Variants in N4BP3 observed in about 807,000 individuals in gnomAD.
N4BP3 encodes the protein NEDD4-binding protein 3.
A neutral mutation model predicts 43.8 loss-of-function variants in N4BP3; 33 were observed. The ratio of observed to expected loss-of-function variants is 0.75; its 90% CI spans 0.57 to 1.01. The LOEUF (loss-of-function observed/expected upper bound fraction) is 1.01. Ranked by LOEUF, N4BP3 falls within the 50% of genes least tolerant of loss-of-function variation. N4BP3 has a pLI of 0.00. For synonymous variants in N4BP3, 326 were observed against 321.9 expected (o/e 1.01, Z -0.14); for missense variants, 756 against 744.2 (o/e 1.02, Z -0.18).
At chr5:178,114,347 C>T (rs564580148) in intron 1 of N4BP3, among the ~76,000 whole-genome samples, 1 of 152,356 alleles carries the variant, frequency 6.6e-6, no homozygotes, top group Non-Finnish European at 1.5e-5. Flanking sequence ...CCTCCCACAC[C>T]TCCTTTATCC....
rs1222543294 is a variant in N4BP3 at position 178,125,681 on chromosome 5, C to G, written c.*3680C>G. 2 of 152,230 alleles carry G rather than the reference C, an allele frequency of 1.3e-5. No individual in the cohort carries two copies. The allele number at this position is 152,230 out of a possible 1,614,324, so 9.4% of individuals were successfully genotyped here. A position where few individuals can be genotyped will look rare whatever the true frequency, so the allele number is the denominator to read the frequency against. Reference sequence around the variant, plus strand: ...GCCATGGGAGTTCCCAGCTGGCTCACTCATCCGTCCAGGAGGTGGGTCTCA... The same window carrying G: ...GCCATGGGAGTTCCCAGCTGGCTCAGTCATCCGTCCAGGAGGTGGGTCTCA... On this transcript the variant is annotated 3_prime_UTR_variant, in exon 5 of 5. Transcript: ENST00000274605.
downstream of N4BP3, among the ~76,000 whole-genome samples, chr5:178,126,588 G>A (rs1758069737): frequency 6.6e-6 from 1 of 152,140 alleles, no homozygotes; most frequent in Non-Finnish European, 1.5e-5. Flanking sequence ...TGAATGCTTT[G>A]AACTAAAGTA....
In N4BP3 at chr5:178,121,644, G is replaced by A; in HGVS notation, c.1278G>A (p.Val426=). 1 of 1,612,596 alleles carries A rather than the reference G, an allele frequency of 6.2e-7. No homozygotes were observed. Among genetic ancestry groups the A allele is most frequent in the African/African-American group, 1.3e-5 (1 of 75,056 alleles). The change falls in exon 5 of 5, where the codon GTG becomes GTA. Residue 426 remains valine, a synonymous_variant. Transcript: ENST00000274605. ...AGCTGGTCCGGCTGCGCGAGGCTGT[G>A]CGCAGCCTGCAGGAGCAGGCCCCTC... ...DAELVRLREA[V]RSLQEQAPRE...
chr5:178,116,125 C>G (rs1469424134), intron 1 of N4BP3, among the ~76,000 whole-genome samples: 1 of 152,208 alleles, frequency 6.6e-6, no homozygotes, highest in African/African-American at 2.4e-5. Context: ...TCCAGTGAGG[C>G]TGCAAGGCAC....
rs1293489896 is a variant in N4BP3, at chr5:178,122,368, A to G, written c.*367A>G. 9 of 221,824 alleles carry G rather than the reference A, an allele frequency of 4.1e-5. No individual in the cohort carries two copies. The highest frequency in any genetic ancestry group is 6.3e-5 in the Non-Finnish European group (7 of 111,864). The allele number at this position is 221,824 out of a possible 1,614,324, so 13.7% of individuals were successfully genotyped here. A position where few individuals can be genotyped will look rare whatever the true frequency, so the allele number is the denominator to read the frequency against. On this transcript the variant is annotated 3_prime_UTR_variant, in exon 5 of 5. Transcript: ENST00000274605. ...CAGGGAAGGAGGCTGGGGTGGGAAC[A>G]CTGGCCTCCCCCAGAATAAAACCAT...
At position 178,125,953 on chromosome 5, in the gene N4BP3, C is replaced by G. The variant is rs1758054820; in HGVS notation, c.*3952C>G. On this transcript the variant is annotated 3_prime_UTR_variant, in exon 5 of 5. Coordinates refer to ENST00000274605, the MANE Select transcript of N4BP3 (RefSeq NM_015111.2). Reference sequence around the variant, plus strand: ...TTTGCTCTAATATGTAATATTAGAACATATTACAAAGTAGCAAGAAAAATA... The same window carrying G: ...TTTGCTCTAATATGTAATATTAGAAGATATTACAAAGTAGCAAGAAAAATA... 1 of 151,068 alleles carries G rather than the reference C, an allele frequency of 6.6e-6. No individual in the cohort carries two copies. 9.4% of individuals were successfully genotyped at this position (151,068 alleles called of 1,614,324 possible).
chr5:178,120,006 T>G (rs1350893072), intron 2 of N4BP3, 93 bp downstream of exon 2: 13 of 1,479,962 alleles, frequency 8.8e-6, no homozygotes, highest in African/African-American at 1.4e-5. Context: ...CGGGGCATGC[T>G]GAGATACGAA....
At chr5:178,126,271 C>T (rs953707493), downstream of N4BP3, among the ~76,000 whole-genome samples, 1 of 80,716 alleles carries the variant, frequency 1.2e-5, no homozygotes, top group African/African-American at 4.0e-5. Flanking sequence ...CTCCGCCTCC[C>T]GAGTTCAAGC....
At position 178,120,826 on chromosome 5, in the gene N4BP3, C is replaced by G. The variant is rs545941386; in HGVS notation, c.852+127C>G. On this transcript the variant is annotated intron_variant, in intron 3 of 4. Transcript: ENST00000274605. ...AAGAGAGCAAGAAAGGGGGAGCTGG[C>G]TTGGCTTCCTTCCTCTGCATCCCAG... The G allele has an allele frequency of 1.3e-5, 17 of 1,317,138 alleles. 1 individual carries two copies. In the East Asian group the frequency reaches 4.1e-4, roughly 32 times the overall value. The allele number at this position is 1,317,138 out of a possible 1,614,324, so 81.6% of individuals were successfully genotyped here.
chr5:178,114,926 T>C (rs1393019713), intron 1 of N4BP3, among the ~76,000 whole-genome samples: 6 of 152,138 alleles, frequency 3.9e-5, no homozygotes, highest in Admixed American at 3.3e-4. Context: ...CAGACATATA[T>C]GCAATACATA....
chr5:178,118,674 T>TC lies in N4BP3; in HGVS notation c.-30-873dup, dbSNP rs1325856681. On this transcript the variant is annotated intron_variant, in intron 1 of 4. Coordinates refer to ENST00000274605, the MANE Select transcript of N4BP3 (RefSeq NM_015111.2). This position sits in a 1 kb window ranked among gnomAD's most constrained non-coding sequence, Gnocchi z 5.4. ...TCCCTCCCACTGTAGCCCCCAACCC[T>TC]CCCCCCCATGCCAGATGTTTCCCTT... Among the ~76,000 whole-genome samples, 1 of 143,610 alleles carries TC rather than the reference T, an allele frequency of 7.0e-6. No individual in the cohort carries two copies. The highest frequency in any genetic ancestry group is 1.5e-5 in the Non-Finnish European group (1 of 65,290). 94.2% of individuals were successfully genotyped at this position (143,610 alleles called of 152,430 possible).
At chr5:178,115,729 G>A (rs772929820) in intron 1 of N4BP3, among the ~76,000 whole-genome samples, 2 of 152,222 alleles carry the variant, frequency 1.3e-5, no homozygotes, top group African/African-American at 4.8e-5. Flanking sequence ...ACCCAAAAGG[G>A]CACCAACAGG....
At position 178,121,359 on chromosome 5, in the gene N4BP3, G is replaced by T. The variant is rs755095774; in HGVS notation, c.1107+7G>T. 10 of 1,603,050 alleles carry T rather than the reference G, an allele frequency of 6.2e-6. No homozygotes were observed. The highest frequency in any genetic ancestry group is 8.5e-6 in the Non-Finnish European group (10 of 1,173,528). On this transcript the variant is annotated splice_region_variant and intron_variant, in intron 4 of 4. Transcript: ENST00000274605. ...GGAGGAAGCCCGATGGGAGGTGAGA[G>T]ATGACACAGGGCTCCGAGACTCTCC...
downstream of N4BP3, among the ~76,000 whole-genome samples, chr5:178,126,993 G>A (rs960839334): frequency 1.3e-5 from 2 of 152,166 alleles, no homozygotes; most frequent in African/African-American, 4.8e-5. Context: ...TGGGACTCCT[G>A]TGCATGTATG....
At position 178,120,976 on chromosome 5, in the gene N4BP3, T is replaced by A. The variant is rs185756648; in HGVS notation, c.853-122T>A. 6 of 1,350,686 alleles carry A rather than the reference T, an allele frequency of 4.4e-6. No homozygotes were observed. In the Admixed American group the frequency reaches 1.6e-4, roughly 37 times the overall value. The allele number at this position is 1,350,686 out of a possible 1,614,324, so 83.7% of individuals were successfully genotyped here. Reference sequence around the variant, plus strand: ...GGAGGGCATCCCGGGTTAAAGCGCATGTGTGGCTGGGTCCTGTGGTGTAGG... The same window carrying A: ...GGAGGGCATCCCGGGTTAAAGCGCAAGTGTGGCTGGGTCCTGTGGTGTAGG... On this transcript the variant is annotated intron_variant, in intron 3 of 4. Transcript: ENST00000274605.
intron 1 of N4BP3, among the ~76,000 whole-genome samples, chr5:178,117,825 T>C (rs1192628230): frequency 6.6e-6 from 1 of 151,348 alleles, no homozygotes; most frequent in African/African-American, 2.4e-5. Flanking sequence ...GTTTGGGGGT[T>C]GGTTGGGGGA....
Position 178,121,316 on chromosome 5 carries a change from C to T in N4BP3, c.1071C>T (p.Asp357=). ...PRAPGTLPEA[D]PSARPEEEAR... The stretch of plus-strand genomic sequence containing the variant: ...CCCCCGGCACCCTCCCAGAGGCTGA[C>T]CCCAGTGCACGACCAGAGGAGGAAG... The change falls in exon 4 of 5, where the codon GAC becomes GAT. Residue 357 remains aspartate, a synonymous_variant. Coordinates refer to ENST00000274605, the MANE Select transcript of N4BP3 (RefSeq NM_015111.2). 1 of 1,603,892 alleles carries T rather than the reference C, an allele frequency of 6.2e-7. No homozygotes were observed. The highest frequency in any genetic ancestry group is 8.5e-7 in the Non-Finnish European group (1 of 1,173,996).
At chr5:178,116,770 C>G (rs552933284) in intron 1 of N4BP3, among the ~76,000 whole-genome samples, 1 of 152,130 alleles carries the variant, frequency 6.6e-6, no homozygotes, top group Non-Finnish European at 1.5e-5. Context: ...GTTATCTCCT[C>G]GAGACAGGAA....
In N4BP3 at chr5:178,113,741, G is replaced by A. The variant is rs1379628553; in HGVS notation, c.-61G>A. On this transcript the variant is annotated 5_prime_UTR_variant, in exon 1 of 5. Coordinates refer to ENST00000274605, the MANE Select transcript of N4BP3 (RefSeq NM_015111.2). The stretch of plus-strand genomic sequence containing the variant: ...AGCTGCGACGCGCAAGGGCTGCGGA[G>A]CCGCGGGCCGGCGAGCGCGTCGCCA... 6.6e-6 allele frequency: 1 copy of A among 151,664 alleles called. No homozygotes were observed. Among genetic ancestry groups the A allele is most frequent in the Non-Finnish European group, 1.5e-5 (1 of 67,888 alleles). 9.4% of individuals were successfully genotyped at this position (151,664 alleles called of 1,614,324 possible).
Sources: gnomAD v4.1 joint callset for allele counts (sites outside exome capture counted in the v4.1 genomes callset) on GRCh38, gnomAD v4.1.1 for gene constraint, Gnocchi (gnomAD v3.1) non-coding constraint, MANE v1.5 for transcripts, NCBI Gene and HGNC (gene_info 2026-07-23, HGNC 2026-07-21) for gene names.